The following KAZN variants were observed in gnomAD, a reference collection of about 807,000 sequenced individuals.
The protein encoded by KAZN is kazrin.
In KAZN, 40 loss-of-function variants were observed where a neutral mutation model predicts 87.4. That is an observed-to-expected ratio of 0.46 (90% CI 0.36 to 0.60). The LOEUF is 0.60. Ranked by LOEUF, KAZN falls within the 20% of genes least tolerant of loss-of-function variation. KAZN has a pLI of 0.00. For missense variants in KAZN, 898 were observed against 1,073.9 expected (o/e 0.84, Z 2.29); for synonymous variants, 466 against 458.3 (o/e 1.02, Z -0.22).
intron 2 of KAZN, among the ~76,000 whole-genome samples, chr1:14,299,672 C>G (rs1394411880): frequency 6.6e-6 from 1 of 152,202 alleles, no homozygotes; most frequent in Non-Finnish European, 1.5e-5. Flanking sequence ...AGATCACACT[C>G]ACTCTGTACC....
At chr1:14,144,966 A>G (rs2101779473) in intron 1 of KAZN, among the ~76,000 whole-genome samples, 1 of 152,330 alleles carries the variant, frequency 6.6e-6, no homozygotes, top group East Asian at 1.9e-4. Context: ...TGGGGATCAA[A>G]TTTCCACATG....
intron 2 of KAZN, among the ~76,000 whole-genome samples, chr1:14,573,371 G>A (rs184527190): frequency 1.3e-3 from 192 of 152,220 alleles, no homozygotes; most frequent in Admixed American, 3.9e-3. Flanking sequence ...ACTAAAACCC[G>A]GGCACGGTGG....
At chr1:14,208,353 A>T (rs978201160) in intron 2 of KAZN, among the ~76,000 whole-genome samples, 60 of 152,368 alleles carry the variant, frequency 3.9e-4, no homozygotes, top group Non-Finnish European at 1.8e-4. Flanking sequence ...ATAGCTCTTT[A>T]AAATTATCAA....
At position 14,562,242 on chromosome 1, in the gene KAZN, G is replaced by C. The variant is rs939537471; in HGVS notation, c.250-36741G>C. Among the ~76,000 whole-genome samples the C allele has an allele frequency of 2.0e-5, 3 of 152,312 alleles. 1 individual carries two copies. The Middle Eastern group carries it at 0.01, about 518-fold the overall frequency. ...GTGAATTAGTTGTGAGCAATTGCCT[G>C]GGAGTCAAAGCATCTGAGACCAAAT... On this transcript the variant is annotated intron_variant, in intron 2 of 16. Coordinates refer to the KAZN transcript ENST00000636203.
intron 2 of KAZN, among the ~76,000 whole-genome samples, chr1:14,568,648 C>T (rs1202971897): frequency 6.6e-6 from 1 of 152,136 alleles, no homozygotes; most frequent in African/African-American, 2.4e-5. Flanking sequence ...GGGATTCTTA[C>T]AATTCAAGGT....
intron 1 of KAZN, among the ~76,000 whole-genome samples, chr1:13,929,490 C>T (rs1395591465): frequency 6.6e-6 from 1 of 152,172 alleles, no homozygotes; most frequent in Non-Finnish European, 1.5e-5. Context: ...CATTGCGACA[C>T]CTTCTTTATG....
chr1:15,077,670 C>T lies in KAZN; in HGVS notation c.1222+11917C>T, dbSNP rs1019623638. On this transcript the variant is annotated intron_variant, in intron 8 of 14. Coordinates refer to ENST00000376030, the MANE Select transcript of KAZN (RefSeq NM_201628.3). This position sits in a 1 kb window ranked among gnomAD's most constrained non-coding sequence, Gnocchi z 4.8. Reference sequence around the variant, plus strand: ...TCAGAGATGGGGGTTGGGGGTTTCACCTTCAGGTGAAGATGTTGATGGGCC... The same window carrying T: ...TCAGAGATGGGGGTTGGGGGTTTCATCTTCAGGTGAAGATGTTGATGGGCC... 2.0e-4 allele frequency among the ~76,000 whole-genome samples: 31 copies of T among 152,184 alleles called. No individual in the cohort carries two copies. The highest frequency in any genetic ancestry group is 7.2e-4 in the African/African-American group (30 of 41,432).
At chr1:14,992,222 G>A (rs1385668309) in intron 2 of KAZN, among the ~76,000 whole-genome samples, 1 of 152,152 alleles carries the variant, frequency 6.6e-6, no homozygotes, top group African/African-American at 2.4e-5. Flanking sequence ...AGGAGCATCT[G>A]CAACATGTGA....
intron 1 of KAZN, among the ~76,000 whole-genome samples, chr1:14,092,338 G>A (rs777960962): frequency 9.9e-5 from 15 of 150,826 alleles, no homozygotes; most frequent in Non-Finnish European, 1.2e-4. Flanking sequence ...TGATCTGTCC[G>A]CCTCGGCCTC....
chr1:14,310,402 C>G (rs1391902082), intron 2 of KAZN, among the ~76,000 whole-genome samples: 1 of 152,186 alleles, frequency 6.6e-6, no homozygotes, highest in Non-Finnish European at 1.5e-5. Flanking sequence ...ATGGTTAAAA[C>G]GAGTCCACCA....
intron 1 of KAZN, among the ~76,000 whole-genome samples, chr1:14,032,672 C>A (rs1475720715): frequency 1.3e-5 from 2 of 152,194 alleles, no homozygotes; most frequent in East Asian, 3.8e-4. Flanking sequence ...ACACCCCTCC[C>A]ATCCTGGCTC....
At chr1:14,250,877 ATATT>A (rs995053073) in intron 2 of KAZN, among the ~76,000 whole-genome samples, 4 of 148,482 alleles carry the variant, frequency 2.7e-5, no homozygotes, top group African/African-American at 9.9e-5. Context: ...AATATTAGAA[ATATT>A]TATTAACAGC....
chr1:14,026,748 A>G (rs1310329118), intron 1 of KAZN, among the ~76,000 whole-genome samples: 1 of 152,200 alleles, frequency 6.6e-6, no homozygotes, highest in Non-Finnish European at 1.5e-5. Flanking sequence ...TGGTCCAAGA[A>G]TTGCAGCTGG....
At chr1:14,280,978 C>T (rs1652800872) in intron 2 of KAZN, among the ~76,000 whole-genome samples, 1 of 152,200 alleles carries the variant, frequency 6.6e-6, no homozygotes, top group Non-Finnish European at 1.5e-5. Context: ...GATTCAAACC[C>T]AGCAAGTCTA....
At chr1:15,018,148 T>C (rs1276056213) in intron 2 of KAZN, among the ~76,000 whole-genome samples, 2 of 152,180 alleles carry the variant, frequency 1.3e-5, no homozygotes, top group African/African-American at 4.8e-5. Context: ...CTAAAGTGTG[T>C]ACGTCTGCTC....
chr1:15,075,878 G>A (rs1020333435), intron 8 of KAZN, among the ~76,000 whole-genome samples: 2 of 152,230 alleles, frequency 1.3e-5, no homozygotes, highest in Admixed American at 6.5e-5. Context: ...GGATGGGCAT[G>A]TCCATGCTGC....
chr1:14,836,330 A>G (rs1367008587), intron 1 of KAZN, among the ~76,000 whole-genome samples: 1 of 152,000 alleles, frequency 6.6e-6, no homozygotes, highest in African/African-American at 2.4e-5. Flanking sequence ...TCAAAGCCGC[A>G]CCTCTGTGTC....
Position 13,957,659 on chromosome 1 carries a change from C to T in KAZN, c.91+63903C>T, listed in dbSNP as rs370498762. ...GGGAAGCCAGGTGTGCAGAGATCGCCGGGTGAGAGAGAAAGCAAGGTGGGG... is the reference window on the plus strand; with the variant it reads ...GGGAAGCCAGGTGTGCAGAGATCGCTGGGTGAGAGAGAAAGCAAGGTGGGG... On this transcript the variant is annotated intron_variant, in intron 1 of 16. Transcript: ENST00000636203. Among the ~76,000 whole-genome samples, 52 of 152,092 alleles carry T rather than the reference C, an allele frequency of 3.4e-4. No individual in the cohort carries two copies. In the East Asian group the frequency reaches 6.8e-3, roughly 20 times the overall value.
chr1:15,037,903 G>T (rs949683429), intron 3 of KAZN, among the ~76,000 whole-genome samples: 13 of 152,258 alleles, frequency 8.5e-5, no homozygotes, highest in East Asian at 1.9e-4. Context: ...CAGGAATCAG[G>T]AGCTAGAAGA....
Sources: gnomAD v4.1 joint callset for allele counts (sites outside exome capture counted in the v4.1 genomes callset) on GRCh38, gnomAD v4.1.1 for gene constraint, Gnocchi (gnomAD v3.1) non-coding constraint, MANE v1.5 for transcripts, NCBI Gene and HGNC (gene_info 2026-07-23, HGNC 2026-07-21) for gene names.